Variants in ESCO2 observed in about 807,000 individuals in gnomAD.
The protein encoded by ESCO2 is establishment of sister chromatid cohesion N-acetyltransferase 2.
ESCO2 carries 51 observed loss-of-function variants against 61.7 expected under a neutral mutation model. The ratio of observed to expected loss-of-function variants is 0.83; its 90% CI spans 0.66 to 1.04. The LOEUF is 1.04. ESCO2 is among the 50% of genes least tolerant of loss of function. The pLI is 0.00. For missense variants in ESCO2, 692 were observed against 686.2 expected (o/e 1.01, Z -0.09); for synonymous variants, 230 against 238.2 (o/e 0.97, Z 0.32).
downstream of ESCO2, chr8:27,810,080 T>C (rs994684424): frequency 2.8e-5 from 14 of 502,348 alleles, no homozygotes; most frequent in Admixed American, 7.8e-5. Flanking sequence ...ATCAAAGTAC[T>C]TATGTAGCTA....
intron 9 of ESCO2, among the ~76,000 whole-genome samples, chr8:27,793,508 A>G (rs948075562): frequency 7.2e-6 from 1 of 139,230 alleles, no homozygotes; most frequent in African/African-American, 2.7e-5. Flanking sequence ...TTTTTTTGAG[A>G]CCAAGTCTCA....
downstream of ESCO2, among the ~76,000 whole-genome samples, chr8:27,812,966 C>G (rs1805723542): frequency 6.6e-6 from 1 of 152,224 alleles, no homozygotes. Flanking sequence ...AATCCCATTA[C>G]TGGGTATACA....
At chr8:27,806,175 G>A (rs10110569), downstream of ESCO2, among the ~76,000 whole-genome samples, 1,104 of 152,290 alleles carry the variant, frequency 7.2e-3, 15 homozygotes, top group African/African-American at 0.026. Flanking sequence ...GGGGTGATAA[G>A]TGCTCAGTTA....
intron 9 of ESCO2, among the ~76,000 whole-genome samples, chr8:27,794,521 T>C (rs1805252566): frequency 6.6e-6 from 1 of 152,210 alleles, no homozygotes; most frequent in Non-Finnish European, 1.5e-5. Flanking sequence ...CACAAATTTT[T>C]TTTCCAATCA....
intron 4 of ESCO2, among the ~76,000 whole-genome samples, chr8:27,782,294 C>T (rs1804942502): frequency 6.6e-6 from 1 of 152,124 alleles, no homozygotes; most frequent in Admixed American, 6.5e-5. Context: ...GACAGAGGCT[C>T]ACTCTCACCC....
At chr8:27,785,354 A>G (rs1805015858) in intron 5 of ESCO2, among the ~76,000 whole-genome samples, 1 of 152,230 alleles carries the variant, frequency 6.6e-6, no homozygotes. Flanking sequence ...TGTTCAAACC[A>G]TAGCAGAAGC....
chr8:27,790,872 G>A (rs1255394119), intron 7 of ESCO2, among the ~76,000 whole-genome samples: 1 of 152,094 alleles, frequency 6.6e-6, no homozygotes, highest in African/African-American at 2.4e-5. Flanking sequence ...GGACACTTCT[G>A]CACCATCCAT....
At chr8:27,780,450 CAAG>C (rs1041310608) in intron 4 of ESCO2, among the ~76,000 whole-genome samples, 183 bp downstream of exon 4, 5 of 152,240 alleles carry the variant, frequency 3.3e-5, no homozygotes, top group African/African-American at 1.2e-4. Context: ...TTTTGAAAAA[CAAG>C]AAACAAGGAG....
Position 27,780,175 on chromosome 8 carries a change from A to G in ESCO2, c.863A>G (p.Asp288Gly). 6.3e-7 allele frequency: 1 copy of G among 1,592,356 alleles called. No homozygotes were observed. The highest frequency in any genetic ancestry group is 8.6e-7 in the Non-Finnish European group (1 of 1,162,196). The change falls in exon 4 of 11, where the codon GAT (aspartate) becomes GGT (glycine). Residue 288 changes from aspartate (D) to glycine (G), a missense_variant and splice_region_variant. Asp to Gly is a moderately conservative substitution (Grantham distance 94, BLOSUM62 -1). Coordinates refer to ENST00000305188, the MANE Select transcript of ESCO2 (RefSeq NM_001017420.3). ...TTTTTTTTTTAAACCTATTTTCAGG[A>G]TTCATCAGATGACAGAGTTTCTTCA... ...SSKNKEKLIK[D>G]SSDDRVSSKE...
Position 27,791,984 on chromosome 8 carries a change from G to C in ESCO2, c.1285G>C (p.Val429Leu). Reference protein sequence around the residue: ...KYVGWKKERVVAEFWDGKIVL... With the variant: ...KYVGWKKERVLAEFWDGKIVL... ...GCAGGGTTGGAAGAAAGAACGTGTA[G>C]TAGCAGAGTTTTGGGATGGGAAAAT... The change falls in exon 8 of 11, where the codon GTA (valine) becomes CTA (leucine). Residue 429 changes from valine (V) to leucine (L), a missense_variant. Val to Leu is a conservative substitution (Grantham distance 32). Coordinates refer to ENST00000305188, the MANE Select transcript of ESCO2 (RefSeq NM_001017420.3). 6.2e-7 allele frequency: 1 copy of C among 1,614,046 alleles called. No individual in the cohort carries two copies. Among genetic ancestry groups the C allele is most frequent in the Non-Finnish European group, 8.5e-7 (1 of 1,179,994 alleles).
At position 27,780,188 on chromosome 8, in the gene ESCO2, C is replaced by A. The variant is rs1804892628; in HGVS notation, c.876C>A (p.Asp292Glu). 3 of 1,606,128 alleles carry A rather than the reference C, an allele frequency of 1.9e-6. No individual in the cohort carries two copies. The highest frequency in any genetic ancestry group is 2.7e-5 in the African/African-American group (2 of 74,554). ...KEKLIKDSSD[D>E]RVSSKEHKVD... Reference sequence around the variant, plus strand: ...CCTATTTTCAGGATTCATCAGATGACAGAGTTTCTTCAAAGGAACATAAAG... The same window carrying A: ...CCTATTTTCAGGATTCATCAGATGAAAGAGTTTCTTCAAAGGAACATAAAG... Residue 292 changes from aspartate (D) to glutamate (E), a missense_variant, in exon 4 of 11, where the codon GAC becomes GAA. Physicochemically the swap from Asp to Glu is conservative, Grantham distance 45 (BLOSUM62 2). Transcript: ENST00000305188.
chr8:27,776,363 C>T lies in ESCO2; in HGVS notation c.55C>T (p.Leu19Phe), dbSNP rs754703282. 1 of 1,602,044 alleles carries T rather than the reference C, an allele frequency of 6.2e-7. No homozygotes were observed. Among genetic ancestry groups the T allele is most frequent in the South Asian group, 1.1e-5 (1 of 88,798 alleles). ...RKQDSLKCDSLLHFTENLFPS... is the reference protein window; with the variant it reads ...RKQDSLKCDSFLHFTENLFPS... Reference sequence around the variant, plus strand: ...AATGGACTTTGTTTCTTTTTATAGCCTTTTACACTTCACTGAAAATCTGTT... The same window carrying T: ...AATGGACTTTGTTTCTTTTTATAGCTTTTTACACTTCACTGAAAATCTGTT... Residue 19 changes from leucine to phenylalanine, a missense_variant and splice_region_variant, in exon 3 of 11, where the codon CTT becomes TTT. Physicochemically the swap from Leu to Phe is conservative, Grantham distance 22. Transcript: ENST00000305188.
At chr8:27,790,274 A>G (rs1805147195) in intron 7 of ESCO2, among the ~76,000 whole-genome samples, 1 of 152,230 alleles carries the variant, frequency 6.6e-6, no homozygotes, top group Non-Finnish European at 1.5e-5. Context: ...TATTTTGAAT[A>G]TCATTCCTGG....
downstream of ESCO2, among the ~76,000 whole-genome samples, chr8:27,806,964 T>A (rs1805575843): frequency 6.6e-6 from 1 of 152,078 alleles, no homozygotes; most frequent in African/African-American, 2.4e-5. Context: ...TTACATCTTG[T>A]TTGCTGATAT....
chr8:27,819,183 T>C, the ESCO2 span, among the ~76,000 whole-genome samples: 1 of 152,176 alleles, frequency 6.6e-6, no homozygotes. Flanking sequence ...TGAACATGTA[T>C]CCTCAAAGAG....
chr8:27,812,377 A>T (rs1211063093), downstream of ESCO2: 1 of 152,222 alleles, frequency 6.6e-6, no homozygotes, highest in Non-Finnish European at 1.5e-5. Flanking sequence ...AAACCCTAGA[A>T]GAAAACCTAG....
In ESCO2 at chr8:27,777,256, A is replaced by T. The variant is rs1804815950; in HGVS notation, c.861+87A>T. ...AGTTGAATAAAATTTTATTTTCTGG[A>T]CTGCTTTTATAAAGCCAGATAGCAT... On this transcript the variant is annotated intron_variant, in intron 3 of 10. Transcript: ENST00000305188. The T allele has an allele frequency of 1.1e-5, 14 of 1,281,268 alleles. No individual in the cohort carries two copies. In the South Asian group the frequency reaches 1.8e-4, roughly 17 times the overall value. The allele number at this position is 1,281,268 out of a possible 1,614,324, so 79.4% of individuals were successfully genotyped here.
At chr8:27,817,988 T>C in the ESCO2 span, among the ~76,000 whole-genome samples, 2 of 152,194 alleles carry the variant, frequency 1.3e-5, no homozygotes, top group African/African-American at 4.8e-5. Context: ...TTCAATGTTT[T>C]AATATTAATG....
intron 6 of ESCO2, 23 bp from the exon 7 acceptor site, chr8:27,788,824 C>CT (rs771638086): frequency 1.3e-5 from 21 of 1,613,526 alleles, no homozygotes; most frequent in Non-Finnish European, 1.8e-5. Flanking sequence ...AAATGGGTTT[C>CT]TTTTTTTACC....
Sources: allele counts gnomAD v4.1 joint callset (sites outside exome capture counted in the v4.1 genomes callset), GRCh38; gene constraint gnomAD v4.1.1; transcripts MANE v1.5; gene names NCBI Gene and HGNC (gene_info 2026-07-23, HGNC 2026-07-21).